CSMD1: variants seen among roughly 807,000 people sequenced by gnomAD.
CSMD1 encodes CUB and sushi domain-containing protein 1.
In CSMD1, 213 loss-of-function variants were observed where a neutral mutation model predicts 417.5. That is an observed-to-expected ratio of 0.51 (90% CI 0.46 to 0.57). CSMD1 has a LOEUF of 0.57. CSMD1 is among the 20% of genes least tolerant of loss of function. CSMD1 has a pLI of 0.00. For synonymous variants in CSMD1, 2,862 were observed against 1,736.8 expected (o/e 1.65, Z -16.11); for missense variants, 6,923 against 4,529.7 (o/e 1.53, Z -15.17).
At chr8:3,501,720 C>G (rs1796608508) in intron 10 of CSMD1, among the ~76,000 whole-genome samples, 2 of 152,176 alleles carry the variant, frequency 1.3e-5, no homozygotes, top group Admixed American at 6.5e-5. Flanking sequence ...AAGTTTATGT[C>G]TGGAAATTAT....
intron 11 of CSMD1, among the ~76,000 whole-genome samples, chr8:3,484,842 C>A (rs1197400061): frequency 6.6e-6 from 1 of 152,116 alleles, no homozygotes; most frequent in Non-Finnish European, 1.5e-5. Context: ...TATCATTAGC[C>A]ATCAGGAAAA....
chr8:4,639,250 A>C (rs898817634), intron 1 of CSMD1, among the ~76,000 whole-genome samples: 2 of 63,030 alleles, frequency 3.2e-5, no homozygotes, highest in Admixed American at 2.4e-4. Flanking sequence ...TGTGGTTGTC[A>C]ATTTTTTTTT....
At chr8:4,810,432 A>G (rs897241993) in intron 1 of CSMD1, among the ~76,000 whole-genome samples, 6 of 152,192 alleles carry the variant, frequency 3.9e-5, no homozygotes, top group Non-Finnish European at 8.8e-5. Context: ...CAGGGAAACT[A>G]AACAAGGCCT....
chr8:3,056,421 G>C (rs1431256571), intron 49 of CSMD1, among the ~76,000 whole-genome samples: 1 of 152,102 alleles, frequency 6.6e-6, no homozygotes, highest in Non-Finnish European at 1.5e-5. Context: ...AGGCTGCAGT[G>C]CAGTGGCACA....
intron 3 of CSMD1, among the ~76,000 whole-genome samples, chr8:4,398,504 TA>T (rs548814459): frequency 0.016 from 2,353 of 147,140 alleles, 35 homozygotes; most frequent in South Asian, 0.025. Flanking sequence ...GCCATTCTCC[TA>T]GCCTCAGCCT....
At chr8:3,725,700 C>A (rs1175383527) in intron 6 of CSMD1, among the ~76,000 whole-genome samples, 2 of 149,248 alleles carry the variant, frequency 1.3e-5, no homozygotes, top group African/African-American at 2.5e-5. Context: ...GCCACCACTG[C>A]AATGAGAGAG....
intron 3 of CSMD1, among the ~76,000 whole-genome samples, chr8:4,412,021 C>T (rs567544081): frequency 6.9e-5 from 9 of 130,458 alleles, no homozygotes; most frequent in Non-Finnish European, 1.2e-4. Flanking sequence ...TGTGTGTAGC[C>T]AGGGCAAATG....
intron 3 of CSMD1, among the ~76,000 whole-genome samples, chr8:4,326,761 A>T (rs993374886): frequency 2.0e-5 from 3 of 152,210 alleles, no homozygotes; most frequent in African/African-American, 7.2e-5. Context: ...TCTTCAGAAG[A>T]AGATGAGGTA....
In CSMD1 at chr8:3,261,551, G is replaced by C. The variant is rs184068367; in HGVS notation, c.4153+22593C>G. On this transcript the variant is annotated intron_variant, in intron 26 of 69. Transcript: ENST00000635120. ...TTGAAAAGAAAACCTGCGCGTGAAT[G>C]TTCATCACAGCTGTACTCATAGGAG... Among the ~76,000 whole-genome samples, 4 of 152,224 alleles carry C rather than the reference G, an allele frequency of 2.6e-5. No individual in the cohort carries two copies. The East Asian group carries it at 7.7e-4, about 29-fold the overall frequency.
At chr8:3,208,996 A>G (rs75853682) in intron 30 of CSMD1, among the ~76,000 whole-genome samples, 2 of 152,296 alleles carry the variant, frequency 1.3e-5, no homozygotes, top group African/African-American at 2.4e-5. Context: ...CTGTCCCTCT[A>G]GAGAACTCTA....
At position 4,909,255 on chromosome 8, in the gene CSMD1, G is replaced by T. The variant is rs113599434; in HGVS notation, c.85+85077C>A. On this transcript the variant is annotated intron_variant, in intron 1 of 69. Transcript: ENST00000635120. ...GTGTTTTATAACCTTCCTACTAGCT[G>T]TGAGTCTTTTAGTGATCCTGTGTTT... Among the ~76,000 whole-genome samples, 135 of 152,258 alleles carry T rather than the reference G, an allele frequency of 8.9e-4. 1 individual carries two copies. The highest frequency in any genetic ancestry group is 1.5e-3 in the Non-Finnish European group (99 of 68,022).
At chr8:4,324,043 G>A (rs117524922) in intron 3 of CSMD1, among the ~76,000 whole-genome samples, 212 of 152,224 alleles carry the variant, frequency 1.4e-3, no homozygotes, top group Non-Finnish European at 2.4e-3. Context: ...CAGTTCCTCT[G>A]TGTAGTTCAA....
intron 1 of CSMD1, among the ~76,000 whole-genome samples, chr8:4,867,913 C>T (rs1398192571): frequency 6.6e-6 from 1 of 151,780 alleles, no homozygotes; most frequent in Non-Finnish European, 1.5e-5. Flanking sequence ...GTTGAATTTT[C>T]GAGCTAAGAC....
At chr8:3,815,501 G>T (rs1275161804) in intron 5 of CSMD1, among the ~76,000 whole-genome samples, 1 of 151,728 alleles carries the variant, frequency 6.6e-6, no homozygotes, top group African/African-American at 2.4e-5. Flanking sequence ...AAAAATATGT[G>T]TAAGACTATG....
chr8:4,372,388 T>C (rs544537031), intron 3 of CSMD1, among the ~76,000 whole-genome samples: 2 of 152,280 alleles, frequency 1.3e-5, no homozygotes, highest in African/African-American at 2.4e-5. Context: ...ATTGCTGCTG[T>C]CAAAAGGTAA....
Position 4,939,076 on chromosome 8 carries a change from T to TC in CSMD1, c.85+55255dup, listed in dbSNP as rs558509703. Among the ~76,000 whole-genome samples, 123 of 152,290 alleles carry TC rather than the reference T, an allele frequency of 8.1e-4. 2 individuals are homozygous for TC. In the East Asian group the frequency reaches 8.7e-3, roughly 11 times the overall value. ...CAGATGCACAGTTTGCAAATAATTCTCCCCCCTCTGCGGGTTGCCTCTTTA... is the reference window on the plus strand; with the variant it reads ...CAGATGCACAGTTTGCAAATAATTCTCCCCCCCTCTGCGGGTTGCCTCTTTA... On this transcript the variant is annotated intron_variant, in intron 1 of 69. Transcript: ENST00000635120.
chr8:3,062,496 A>G (rs1299206539), intron 49 of CSMD1, among the ~76,000 whole-genome samples: 3 of 152,110 alleles, frequency 2.0e-5, no homozygotes, highest in East Asian at 3.8e-4. Context: ...AGAGGGAACT[A>G]ATGACTTGGC....
intron 5 of CSMD1, among the ~76,000 whole-genome samples, chr8:3,801,118 A>G (rs1171351527): frequency 6.6e-6 from 1 of 152,148 alleles, no homozygotes; most frequent in Non-Finnish European, 1.5e-5. Context: ...GAAAGGTTAA[A>G]TTTTACCGAC....
intron 10 of CSMD1, among the ~76,000 whole-genome samples, chr8:3,528,846 C>T (rs532936119): frequency 3.7e-4 from 56 of 152,228 alleles, no homozygotes; most frequent in South Asian, 6.2e-4. Context: ...CATAAGAATG[C>T]CAACTAAATG....
Sources: gnomAD v4.1 joint callset for allele counts (sites outside exome capture counted in the v4.1 genomes callset) on GRCh38, gnomAD v4.1.1 for gene constraint, MANE v1.5 for transcripts, NCBI Gene and HGNC (gene_info 2026-07-23, HGNC 2026-07-21) for gene names.